DYNC1H1: variants seen among roughly 807,000 people sequenced by gnomAD.
DYNC1H1 encodes dynein cytoplasmic 1 heavy chain 1.
Under a neutral mutation model 527.1 loss-of-function variants are expected in DYNC1H1, and 51 were observed. That is an observed-to-expected ratio of 0.10 (90% CI 0.08 to 0.12). DYNC1H1 has a LOEUF of 0.12. Ranked by LOEUF, DYNC1H1 falls within the 10% of genes least tolerant of loss-of-function variation. The pLI, the probability that DYNC1H1 is intolerant of heterozygous loss-of-function variation, is 1.00. For missense variants in DYNC1H1, 2,771 were observed against 5,971.8 expected, an observed-to-expected ratio of 0.46 and a Z score of 17.66; for synonymous variants, 2,189 against 2,278.8, an observed-to-expected ratio of 0.96 and a Z score of 1.12.
intron 5 of DYNC1H1, among the ~76,000 whole-genome samples, chr14:101,981,934 CTTAA>C (rs970127497): frequency 2.0e-5 from 3 of 152,256 alleles, no homozygotes; most frequent in Non-Finnish European, 2.9e-5. Context: ...TTCTTCTAAA[CTTAA>C]TTGTTACTAA....
intron 1 of DYNC1H1, among the ~76,000 whole-genome samples, chr14:101,966,213 T>TA (rs1189649689): frequency 6.6e-6 from 1 of 152,240 alleles, no homozygotes; most frequent in Non-Finnish European, 1.5e-5. Flanking sequence ...AGGCTATTCT[T>TA]ACTCAGAAGA....
intron 72 of DYNC1H1, 153 bp from the exon 73 acceptor site, chr14:102,047,664 T>A: frequency 1.7e-6 from 1 of 605,866 alleles, no homozygotes; most frequent in Non-Finnish European, 3.0e-6. Flanking sequence ...TATATATATA[T>A]GTACACACGG....
rs1040299380 is a variant in DYNC1H1, at chr14:102,020,269, G to A, written c.8507+213G>A. On this transcript the variant is annotated intron_variant, in intron 42 of 77. Coordinates refer to ENST00000360184, the MANE Select transcript of DYNC1H1 (RefSeq NM_001376.5). This position sits in a 1 kb window ranked among gnomAD's most constrained non-coding sequence, Gnocchi z 4.3. ...AAAGTCACAGTGCGCTGAATGCACC[G>A]GCTGGCCCACCACTGTCTGCTTACA... 3.3e-5 allele frequency among the ~76,000 whole-genome samples: 5 copies of A among 152,160 alleles called. No homozygotes were observed. The highest frequency in any genetic ancestry group is 6.6e-5 in the Admixed American group (1 of 15,266).
intron 1 of DYNC1H1, among the ~76,000 whole-genome samples, chr14:101,969,189 T>G (rs1398371796): frequency 6.6e-6 from 1 of 151,586 alleles, no homozygotes; most frequent in Non-Finnish European, 1.5e-5. Context: ...GGTTAATTTT[T>G]TTTTTTTTTT....
At chr14:102,008,018 T>C (rs2048217143) in intron 28 of DYNC1H1, among the ~76,000 whole-genome samples, 160 bp from the exon 29 acceptor site, 1 of 152,182 alleles carries the variant, frequency 6.6e-6, no homozygotes, top group Non-Finnish European at 1.5e-5. Context: ...CCCCAACCCT[T>C]ATGGCCTCAT....
At chr14:102,014,974 C>T (rs1251415677) in intron 34 of DYNC1H1, 131 bp from the exon 35 acceptor site, 1 of 1,032,468 alleles carries the variant, frequency 9.7e-7, no homozygotes, top group Non-Finnish European at 1.5e-6. Flanking sequence ...CGCCACCATG[C>T]CTGGCTACTT....
Position 102,001,674 on chromosome 14 carries a change from A to G in DYNC1H1, c.4535A>G (p.Tyr1512Cys). 1 of 1,614,078 alleles carries G rather than the reference A, an allele frequency of 6.2e-7. No individual in the cohort carries two copies. The highest frequency in any genetic ancestry group is 8.5e-7 in the Non-Finnish European group (1 of 1,180,034). ...NSVSAMKLSP[Y>C]YKVFEEDALS... ...GTCTCGGCCATGAAGCTCTCTCCGT[A>G]TTACAAGGTGCTGTTGCTGGGGAAG... The change falls in exon 21 of 78, where the codon TAT becomes TGT. Residue 1512 changes from tyrosine (Y) to cysteine (C), a missense_variant. Tyr to Cys is a radical substitution (Grantham distance 194). This residue lies in a region of DYNC1H1 where 51 missense variants were observed against 189.2 expected (regional missense o/e 0.27). Coordinates refer to ENST00000360184, the MANE Select transcript of DYNC1H1 (RefSeq NM_001376.5). The surrounding 1 kb of genome is among the most constrained non-coding windows in gnomAD (Gnocchi z 5.0).
In DYNC1H1 at chr14:101,964,883, G is replaced by A; in HGVS notation, c.192G>A (p.Gln64=). 6.2e-7 allele frequency: 1 copy of A among 1,600,120 alleles called. No homozygotes were observed. Among genetic ancestry groups the A allele is most frequent in the Non-Finnish European group, 8.5e-7 (1 of 1,174,416 alleles). ...AALEEKSALE[Q]MRKFLSDPQV... is the part of the protein sequence containing the mutation. The stretch of plus-strand genomic sequence containing the variant: ...TGGAGGAGAAGAGCGCCCTGGAGCA[G>A]ATGCGCAAGTTCCTTTCGGACCCGC... Residue 64 remains glutamine (Q), a synonymous_variant, in exon 1 of 78, where the codon CAG becomes CAA. Coordinates refer to ENST00000360184, the MANE Select transcript of DYNC1H1 (RefSeq NM_001376.5). The surrounding 1 kb of genome is among the most constrained non-coding windows in gnomAD (Gnocchi z 5.5).
At chr14:101,967,165 A>G (rs558223038) in intron 1 of DYNC1H1, among the ~76,000 whole-genome samples, 22 of 152,282 alleles carry the variant, frequency 1.4e-4, no homozygotes, top group African/African-American at 5.3e-4. Flanking sequence ...CTACACTAGG[A>G]CACCTTAGAT....
Position 102,004,632 on chromosome 14 carries a change from G to C in DYNC1H1, c.4998G>C (p.Leu1666=), listed in dbSNP as rs2048175805. The change falls in exon 24 of 78, where the codon CTG becomes CTC. Residue 1666 remains leucine (L), a synonymous_variant. Transcript: ENST00000360184. Reference sequence around the variant, plus strand: ...TTGCTGGAGTTTCGAGCATCATCCTGAACGAGGATAACTCTGTTGTTTTGG... The same window carrying C: ...TTGCTGGAGTTTCGAGCATCATCCTCAACGAGGATAACTCTGTTGTTTTGG... ...KMFAGVSSII[L]NEDNSVVLGI... The C allele has an allele frequency of 1.2e-6, 2 of 1,614,062 alleles. No individual in the cohort carries two copies. The highest frequency in any genetic ancestry group is 2.2e-5 in the South Asian group (2 of 91,078).
At position 102,047,819 on chromosome 14, in the gene DYNC1H1, G is replaced by A. The variant is rs748908578; in HGVS notation, c.13009G>A (p.Val4337Met). The A allele has an allele frequency of 6.2e-7, 1 of 1,613,120 alleles. No individual in the cohort carries two copies. The highest frequency in any genetic ancestry group is 8.5e-7 in the Non-Finnish European group (1 of 1,179,982). Reference protein sequence around the residue: ...AERVLLTTQGVDMISKMLKMQ... With the variant: ...AERVLLTTQGMDMISKMLKMQ... ...GCGACTGTGGGACTGTGGCCCAGGTGTGGACATGATCAGTAAAATGCTGAA... is the reference window on the plus strand; with the variant it reads ...GCGACTGTGGGACTGTGGCCCAGGTATGGACATGATCAGTAAAATGCTGAA... Residue 4337 changes from valine to methionine, a missense_variant and splice_region_variant, in exon 73 of 78, where the codon GTG becomes ATG. By Grantham distance (21) the Val-to-Met change is conservative (BLOSUM62 1). Around this residue, in one of 32 missense-constraint regions of DYNC1H1, gnomAD observed 170 missense variants for 249.8 expected, o/e 0.68. Transcript: ENST00000360184.
chr14:102,051,088 A>G lies in DYNC1H1; in HGVS notation c.*525A>G, dbSNP rs2048803438. The G allele has an allele frequency of 4.7e-6, 1 of 214,274 alleles. No homozygotes were observed. The highest frequency in any genetic ancestry group is 9.4e-6 in the Non-Finnish European group (1 of 105,942). The allele number at this position is 214,274 out of a possible 1,614,324, so 13.3% of individuals were successfully genotyped here. A position where few individuals can be genotyped will look rare whatever the true frequency, so the allele number is the denominator to read the frequency against. ...AGACCAGCCTCGGCAACATAGTGAGACCCCGTCTCTACAGGAAATTAAATC... is the reference window on the plus strand; with the variant it reads ...AGACCAGCCTCGGCAACATAGTGAGGCCCCGTCTCTACAGGAAATTAAATC... On this transcript the variant is annotated 3_prime_UTR_variant, in exon 78 of 78. Coordinates refer to ENST00000360184, the MANE Select transcript of DYNC1H1 (RefSeq NM_001376.5).
Position 102,011,164 on chromosome 14 carries a change from T to C in DYNC1H1, c.6618+212T>C, listed in dbSNP as rs2048254484. 2 of 618,388 alleles carry C rather than the reference T, an allele frequency of 3.2e-6. No homozygotes were observed. Among genetic ancestry groups the C allele is most frequent in the Admixed American group, 5.0e-5 (2 of 40,190 alleles). 38.3% of individuals were successfully genotyped at this position (618,388 alleles called of 1,614,324 possible). A position where few individuals can be genotyped will look rare whatever the true frequency, so the allele number is the denominator to read the frequency against. On this transcript the variant is annotated intron_variant, in intron 32 of 77. Coordinates refer to ENST00000360184, the MANE Select transcript of DYNC1H1 (RefSeq NM_001376.5). This position sits in a 1 kb window ranked among gnomAD's most constrained non-coding sequence, Gnocchi z 5.3. The stretch of plus-strand genomic sequence containing the variant: ...CAATACTTAACCTGAAAATTTTACA[T>C]GATACAGTTCAATTTCTGAAAATGC...
rs767835428 is a variant in DYNC1H1 at position 101,980,487 on chromosome 14, ACT to A, written c.901_902del (p.Leu301GlyfsTer16). 6.2e-7 allele frequency: 1 copy of A among 1,614,184 alleles called. No individual in the cohort carries two copies. Among genetic ancestry groups the A allele is most frequent in the Non-Finnish European group, 8.5e-7 (1 of 1,180,038 alleles). On this transcript the variant is annotated frameshift_variant, in exon 5 of 78. Transcript: ENST00000360184. LOFTEE classifies it high-confidence loss of function. ...ACGGGAGAGCCCGGAAGTTCTCCTG[ACT>A]CTGGATATCTTGAAACATGGCAAGC... ...EKRESPEVLLTLDILKHGKRF... is the reference protein window; with the variant it reads ...EKRESPEVLLXLDILKHGKRF...
intron 56 of DYNC1H1, chr14:102,035,928 T>G (rs1467139095): frequency 6.4e-6 from 1 of 155,292 alleles, no homozygotes; most frequent in Non-Finnish European, 1.4e-5. Flanking sequence ...ATATTACCAG[T>G]TGGGTTTTTT....
At chr14:102,048,959 G>A in intron 74 of DYNC1H1, 1 of 477,198 alleles carries the variant, frequency 2.1e-6, no homozygotes, top group South Asian at 2.0e-5. Context: ...GAATGTGGTG[G>A]TCCAGGATGG....
At chr14:101,996,501 C>T (rs540108202) in intron 15 of DYNC1H1, among the ~76,000 whole-genome samples, 1 of 152,268 alleles carries the variant, frequency 6.6e-6, no homozygotes, top group Admixed American at 6.5e-5. Flanking sequence ...TGTCCGGGGC[C>T]ATCCGGATGC....
rs532074498 is a variant in DYNC1H1, at chr14:101,986,367, G to A, written c.2142G>A (p.Ser714=). The change falls in exon 8 of 78, where the codon TCG becomes TCA. Residue 714 remains serine, a synonymous_variant. Transcript: ENST00000360184. The surrounding 1 kb of genome is among the most constrained non-coding windows in gnomAD (Gnocchi z 8.7). The part of the protein sequence containing the change: ...RKVQQRNLGV[S]GRIFTIESTR... ...TGCAGCAGCGCAACCTCGGTGTCTC[G>A]GGGCGCATTTTCACCATCGAAAGTA... 25 of 1,614,098 alleles carry A rather than the reference G, an allele frequency of 1.5e-5. No homozygotes were observed. Among genetic ancestry groups the A allele is most frequent in the African/African-American group, 5.3e-5 (4 of 75,026 alleles).
chr14:102,036,606 G>T lies in DYNC1H1; in HGVS notation c.10872G>T (p.Glu3624Asp). 1 of 1,614,152 alleles carries T rather than the reference G, an allele frequency of 6.2e-7. No homozygotes were observed. Among genetic ancestry groups the T allele is most frequent in the Non-Finnish European group, 8.5e-7 (1 of 1,180,016 alleles). The change falls in exon 57 of 78, where the codon GAG becomes GAT. Residue 3624 changes from glutamate to aspartate, a missense_variant. Around this residue, in one of 32 missense-constraint regions of DYNC1H1, gnomAD observed 283 missense variants for 737.6 expected, o/e 0.38. Transcript: ENST00000360184. The surrounding 1 kb of genome is among the most constrained non-coding windows in gnomAD (Gnocchi z 5.6). ...FLDDAFRKNLESALRFGNPLL... is the reference protein window; with the variant it reads ...FLDDAFRKNLDSALRFGNPLL... ...ATGACGCCTTCAGAAAGAACTTAGA[G>T]AGTGCACTGAGATTCGGTAACCCCC...
Sources: gnomAD v4.1 joint callset for allele counts (sites outside exome capture counted in the v4.1 genomes callset) on GRCh38, gnomAD v4.1.1 for gene constraint, gnomAD v4.1.1 regional missense constraint, Gnocchi (gnomAD v3.1) non-coding constraint, MANE v1.5 for transcripts, NCBI Gene and HGNC (gene_info 2026-07-23, HGNC 2026-07-21) for gene names.